NFIB: variants seen among roughly 807,000 people sequenced by gnomAD.
NFIB encodes nuclear factor 1 B-type.
NFIB carries 11 observed loss-of-function variants against 61.5 expected under a neutral mutation model. That is an observed-to-expected ratio of 0.18 (90% CI 0.11 to 0.30). NFIB has a LOEUF of 0.30. Ranked by LOEUF, NFIB falls within the 10% of genes least tolerant of loss-of-function variation. The pLI, the probability that NFIB is intolerant of heterozygous loss-of-function variation, is 1.00. For missense variants in NFIB, 471 were observed against 608.9 expected (o/e 0.77, Z 2.38); for synonymous variants, 260 against 216.5 (o/e 1.20, Z -1.76).
At chr9:14,176,092 C>T (rs755237095) in intron 3 of NFIB, among the ~76,000 whole-genome samples, 3 of 152,058 alleles carry the variant, frequency 2.0e-5, no homozygotes, top group Non-Finnish European at 2.9e-5. Context: ...ATCAATCACA[C>T]ATTTCCTAAA....
At chr9:14,152,007 T>C (rs1318325159) in intron 4 of NFIB, among the ~76,000 whole-genome samples, 1 of 152,144 alleles carries the variant, frequency 6.6e-6, no homozygotes, top group African/African-American at 2.4e-5. Context: ...ACCCTTTGAA[T>C]TGTATTTTAA....
At chr9:14,279,337 T>C (rs1316337447) in intron 2 of NFIB, among the ~76,000 whole-genome samples, 2 of 152,180 alleles carry the variant, frequency 1.3e-5, no homozygotes, top group African/African-American at 4.8e-5. Flanking sequence ...AACTGAATCC[T>C]GTTTTCAACA....
At chr9:14,508,684 C>T in the NFIB span, among the ~76,000 whole-genome samples, 1 of 152,224 alleles carries the variant, frequency 6.6e-6, no homozygotes, top group South Asian at 2.1e-4. Context: ...GCCTCTGGTG[C>T]CAGGATGGTC....
At chr9:14,292,102 T>C (rs1415747694) in intron 2 of NFIB, among the ~76,000 whole-genome samples, 1 of 152,236 alleles carries the variant, frequency 6.6e-6, no homozygotes, top group Non-Finnish European at 1.5e-5. Flanking sequence ...ATTATTTTTC[T>C]TCTATTTTCC....
chr9:14,332,575 C>T (rs2060835735), intron 1 of NFIB, among the ~76,000 whole-genome samples: 1 of 152,126 alleles, frequency 6.6e-6, no homozygotes. Context: ...GAGACGGGAG[C>T]AGTGAGGACC....
chr9:14,502,169 G>T, the NFIB span, among the ~76,000 whole-genome samples: 1 of 152,176 alleles, frequency 6.6e-6, no homozygotes, highest in East Asian at 1.9e-4. Flanking sequence ...GTGTAGGGCA[G>T]CACTCTGTAA....
chr9:14,189,322 C>T (rs752320385), intron 2 of NFIB, among the ~76,000 whole-genome samples: 5 of 152,166 alleles, frequency 3.3e-5, no homozygotes, highest in Non-Finnish European at 7.3e-5. Flanking sequence ...CCTGGAGAGT[C>T]AGGACTCTGG....
At chr9:14,451,983 C>A in the NFIB span, among the ~76,000 whole-genome samples, 1 of 152,060 alleles carries the variant, frequency 6.6e-6, no homozygotes, top group Non-Finnish European at 1.5e-5. Context: ...GGCGAGGATG[C>A]AGTTAAGAGG....
the NFIB span, among the ~76,000 whole-genome samples, chr9:14,487,187 G>A: frequency 1.2e-3 from 184 of 152,218 alleles, no homozygotes; most frequent in African/African-American, 4.2e-3. Flanking sequence ...AGGTTTGAGC[G>A]CACACGAAAA....
rs1300339006 is a variant in NFIB, at chr9:14,314,083, G to A, written c.-572C>T. On this transcript the variant is annotated 5_prime_UTR_variant, in exon 1 of 11. Transcript: ENST00000380953. Reference sequence around the variant, plus strand: ...GCAGGATCCCGGAGTGGTGATCGCAGGCGAAACTTTGCCGCGAGCCGACCA... The same window carrying A: ...GCAGGATCCCGGAGTGGTGATCGCAAGCGAAACTTTGCCGCGAGCCGACCA... 4 of 1,056,024 alleles carry A rather than the reference G, an allele frequency of 3.8e-6. No individual in the cohort carries two copies. The highest frequency in any genetic ancestry group is 1.0e-4 in the East Asian group (2 of 19,254). 65.4% of individuals were successfully genotyped at this position (1,056,024 alleles called of 1,614,324 possible).
intron 2 of NFIB, among the ~76,000 whole-genome samples, chr9:14,246,902 A>G (rs2054994605): frequency 6.6e-6 from 1 of 152,194 alleles, no homozygotes; most frequent in African/African-American, 2.4e-5. Context: ...ATGAGGTCAT[A>G]AAGTTGAAGG....
chr9:14,475,615 A>C, the NFIB span, among the ~76,000 whole-genome samples: 1 of 151,718 alleles, frequency 6.6e-6, no homozygotes, highest in East Asian at 1.9e-4. Context: ...ATTAGCTCCC[A>C]CTTTTTCCTG....
chr9:14,329,539 GA>G (rs772263402), intron 1 of NFIB, among the ~76,000 whole-genome samples: 3 of 151,854 alleles, frequency 2.0e-5, no homozygotes, highest in Non-Finnish European at 4.4e-5. Context: ...TTTTAAGACG[GA>G]GTCTCACTCT....
Position 14,313,883 on chromosome 9 carries a change from G to A in NFIB, c.-372C>T, listed in dbSNP as rs1475720232. The A allele has an allele frequency of 6.4e-6, 7 of 1,094,618 alleles. No individual in the cohort carries two copies. The highest frequency in any genetic ancestry group is 4.8e-5 in the East Asian group (1 of 20,772). 67.8% of individuals were successfully genotyped at this position (1,094,618 alleles called of 1,614,324 possible). The stretch of plus-strand genomic sequence containing the variant: ...TGTTGTTGGGGTGTAGGGGGTGCGC[G>A]AAGGTTCGGTGTGGGTTGGATTGGG... On this transcript the variant is annotated 5_prime_UTR_variant, in exon 1 of 11. Coordinates refer to ENST00000380953, the MANE Select transcript of NFIB (RefSeq NM_001190737.2). This position sits in a 1 kb window ranked among gnomAD's most constrained non-coding sequence, Gnocchi z 4.5.
chr9:14,326,315 T>C (rs751919949), intron 1 of NFIB, among the ~76,000 whole-genome samples: 2 of 152,184 alleles, frequency 1.3e-5, no homozygotes, highest in Non-Finnish European at 2.9e-5. Context: ...CATAAAGAAT[T>C]ATATTTGTGG....
chr9:14,082,655 A>G lies in NFIB; in HGVS notation c.*5654T>C. 1 of 201,676 alleles carries G rather than the reference A, an allele frequency of 5.0e-6. No individual in the cohort carries two copies. The highest frequency in any genetic ancestry group is 1.0e-5 in the Non-Finnish European group (1 of 99,736). The allele number at this position is 201,676 out of a possible 1,614,324, so 12.5% of individuals were successfully genotyped here. A position where few individuals can be genotyped will look rare whatever the true frequency, so the allele number is the denominator to read the frequency against. ...TGCTCATTTGTTTGAGTTTTTTGGT[A>G]AACATTTTGCTGGTTTTTTTTTTTT... On this transcript the variant is annotated 3_prime_UTR_variant, in exon 11 of 11. Coordinates refer to ENST00000380953, the MANE Select transcript of NFIB (RefSeq NM_001190737.2).
chr9:14,389,425 C>T (rs1460336115), intron 1 of NFIB, among the ~76,000 whole-genome samples: 1 of 152,062 alleles, frequency 6.6e-6, no homozygotes, highest in African/African-American at 2.4e-5. Context: ...TTAAATAGAT[C>T]CATATGCTTA....
At chr9:14,459,350 T>A in the NFIB span, among the ~76,000 whole-genome samples, 1 of 152,150 alleles carries the variant, frequency 6.6e-6, no homozygotes, top group Non-Finnish European at 1.5e-5. Context: ...TCCTTACACC[T>A]TACACAAAAA....
At chr9:14,163,521 A>C (rs1032940397) in intron 3 of NFIB, among the ~76,000 whole-genome samples, 1 of 151,990 alleles carries the variant, frequency 6.6e-6, no homozygotes, top group Non-Finnish European at 1.5e-5. Flanking sequence ...AGAAAACTTA[A>C]GCTGAATTAC....
Sources: gnomAD v4.1 joint callset for allele counts (sites outside exome capture counted in the v4.1 genomes callset) on GRCh38, gnomAD v4.1.1 for gene constraint, Gnocchi (gnomAD v3.1) non-coding constraint, MANE v1.5 for transcripts, NCBI Gene and HGNC (gene_info 2026-07-23, HGNC 2026-07-21) for gene names.